Variants in PTPRT observed in about 807,000 individuals in gnomAD.
PTPRT encodes protein tyrosine phosphatase receptor type T.
Under a neutral mutation model 176.8 loss-of-function variants are expected in PTPRT, and 56 were observed. The ratio of observed to expected loss-of-function variants is 0.32; its 90% CI spans 0.26 to 0.40. PTPRT has a LOEUF of 0.40. PTPRT is among the 10% of genes least tolerant of loss of function. PTPRT has a pLI of 1.00. For synonymous variants in PTPRT, 783 were observed against 739.0 expected (o/e 1.06, Z -0.96); for missense variants, 1,540 against 1,908.2 (o/e 0.81, Z 3.60).
At chr20:42,801,471 T>C (rs2077530330) in intron 2 of PTPRT, among the ~76,000 whole-genome samples, 1 of 152,206 alleles carries the variant, frequency 6.6e-6, no homozygotes, top group Non-Finnish European at 1.5e-5. Context: ...AGTCTCCTTA[T>C]GAAATCCACC....
chr20:42,536,185 C>G (rs966135563), intron 7 of PTPRT, among the ~76,000 whole-genome samples: 3 of 152,136 alleles, frequency 2.0e-5, no homozygotes, highest in African/African-American at 7.2e-5. Flanking sequence ...TAAGCAACAG[C>G]TTCCCATGTG....
In PTPRT at chr20:43,054,171, T is replaced by C. The variant is rs543271032; in HGVS notation, c.88+135475A>G. ...TTTAGAAGCTTCACCTCCAATCTAC[T>C]TGAGAAACAAAATAGGGACTGGTAG... On this transcript the variant is annotated intron_variant, in intron 1 of 30. Transcript: ENST00000373187. Among the ~76,000 whole-genome samples the C allele has an allele frequency of 1.2e-3, 178 of 152,178 alleles. 1 individual carries two copies. The highest frequency in any genetic ancestry group is 4.1e-3 in the African/African-American group (170 of 41,492).
At chr20:42,219,605 A>G (rs1173856436) in intron 15 of PTPRT, among the ~76,000 whole-genome samples, 1 of 152,226 alleles carries the variant, frequency 6.6e-6, no homozygotes, top group Non-Finnish European at 1.5e-5. Context: ...AGAATAGCTA[A>G]TGCTTACTGA....
At chr20:42,484,191 C>T (rs1359898496) in intron 7 of PTPRT, among the ~76,000 whole-genome samples, 1 of 152,104 alleles carries the variant, frequency 6.6e-6, no homozygotes, top group Non-Finnish European at 1.5e-5. Flanking sequence ...TCACAGTGCC[C>T]TTGGTGTTTT....
At chr20:42,290,153 G>A (rs184090493) in intron 12 of PTPRT, among the ~76,000 whole-genome samples, 6 of 151,860 alleles carry the variant, frequency 4.0e-5, no homozygotes, top group Admixed American at 1.3e-4. Context: ...CTTTGTTCTC[G>A]GATTATATAA....
chr20:43,115,913 G>A (rs1193644537), intron 1 of PTPRT, among the ~76,000 whole-genome samples: 1 of 152,206 alleles, frequency 6.6e-6, no homozygotes, highest in African/African-American at 2.4e-5. Context: ...GCAAACTGCA[G>A]CAATTATCAC....
chr20:42,693,171 C>A (rs78563966), intron 6 of PTPRT, among the ~76,000 whole-genome samples: 14,024 of 152,198 alleles, frequency 0.092, 751 homozygotes, highest in South Asian at 0.16. Flanking sequence ...TACATGTATT[C>A]TTCTTCACTG....
At chr20:43,066,234 C>A (rs1347871450) in intron 1 of PTPRT, among the ~76,000 whole-genome samples, 1 of 152,180 alleles carries the variant, frequency 6.6e-6, no homozygotes, top group Non-Finnish European at 1.5e-5. Context: ...CAGATGGCTT[C>A]CTGCTCATGC....
intron 6 of PTPRT, chr20:42,685,766 A>AT (rs1235935733): frequency 2.0e-5 from 3 of 152,062 alleles, no homozygotes; most frequent in Non-Finnish European, 2.9e-5. Context: ...TTCTTATTTG[A>AT]TTTTTTTACA....
chr20:43,005,792 T>A (rs1371066076), intron 1 of PTPRT, among the ~76,000 whole-genome samples: 1 of 152,204 alleles, frequency 6.6e-6, no homozygotes, highest in East Asian at 1.9e-4. Flanking sequence ...TATACAATTT[T>A]AAAAGAAATA....
At chr20:42,520,965 T>TATCTATCCGTCC (rs1481234184) in intron 7 of PTPRT, among the ~76,000 whole-genome samples, 1 of 151,880 alleles carries the variant, frequency 6.6e-6, no homozygotes, top group Non-Finnish European at 1.5e-5. Flanking sequence ...CCCACCAACC[T>TATCTATCCGTCC]ACATACATAT....
At chr20:42,298,292 G>A (rs1168978882) in intron 12 of PTPRT, among the ~76,000 whole-genome samples, 2 of 152,174 alleles carry the variant, frequency 1.3e-5, no homozygotes, top group African/African-American at 2.4e-5. Flanking sequence ...AAGCTATATT[G>A]AGATATAATT....
At chr20:43,026,423 T>C (rs1274178685) in intron 1 of PTPRT, among the ~76,000 whole-genome samples, 1 of 152,190 alleles carries the variant, frequency 6.6e-6, no homozygotes, top group Non-Finnish European at 1.5e-5. Flanking sequence ...AGCCTAGAGA[T>C]AGAATTTTTC....
intron 1 of PTPRT, among the ~76,000 whole-genome samples, chr20:42,907,971 T>A (rs2079499281): frequency 6.6e-6 from 1 of 152,134 alleles, no homozygotes; most frequent in South Asian, 2.1e-4. Context: ...GAGAAGTTCC[T>A]GGGTACCCCA....
intron 9 of PTPRT, among the ~76,000 whole-genome samples, chr20:42,394,276 G>A (rs900096140): frequency 6.6e-6 from 1 of 152,110 alleles, no homozygotes; most frequent in Non-Finnish European, 1.5e-5. Flanking sequence ...TCCACCTCGA[G>A]AATAAATATT....
chr20:43,032,212 AAC>A (rs1986166346), intron 1 of PTPRT, among the ~76,000 whole-genome samples: 1 of 152,160 alleles, frequency 6.6e-6, no homozygotes, highest in African/African-American at 2.4e-5. Flanking sequence ...GACCTGCATC[AAC>A]ACAGAGTGAA....
chr20:42,329,705 A>C lies in PTPRT; in HGVS notation c.1866-13709T>G, dbSNP rs571497078. ...CATTATCAGGGAGGATCAACCTTACATAAAGCCTATTTTTTTTAATTTGGT... is the reference window on the plus strand; with the variant it reads ...CATTATCAGGGAGGATCAACCTTACCTAAAGCCTATTTTTTTTAATTTGGT... On this transcript the variant is annotated intron_variant, in intron 11 of 30. Coordinates refer to ENST00000373187, the MANE Select transcript of PTPRT (RefSeq NM_007050.6). 3.6e-4 allele frequency among the ~76,000 whole-genome samples: 55 copies of C among 152,334 alleles called. 1 individual carries two copies. Among genetic ancestry groups the C allele is most frequent in the African/African-American group, 1.3e-3 (53 of 41,574 alleles).
rs1428903276 is a variant in PTPRT at position 43,101,816 on chromosome 20, G to C, written c.88+87830C>G. On this transcript the variant is annotated intron_variant, in intron 1 of 30. Coordinates refer to ENST00000373187, the MANE Select transcript of PTPRT (RefSeq NM_007050.6). ...GAGTAGGGGCAATTCTCTGAAGAGG[G>C]CAAAAACAATCAAGGGTGTCAGCTG... 2.0e-5 allele frequency among the ~76,000 whole-genome samples: 3 copies of C among 152,144 alleles called. No individual in the cohort carries two copies. The East Asian group carries it at 5.8e-4, about 29-fold the overall frequency.
At chr20:42,502,492 G>A (rs118132827) in intron 7 of PTPRT, among the ~76,000 whole-genome samples, 1,555 of 151,018 alleles carry the variant, frequency 0.01, 13 homozygotes, top group Non-Finnish European at 0.016. Context: ...TATTTTGCAC[G>A]TTTCTGAAAT....
Sources: allele counts gnomAD v4.1 joint callset (sites outside exome capture counted in the v4.1 genomes callset), GRCh38; gene constraint gnomAD v4.1.1; transcripts MANE v1.5; gene names NCBI Gene and HGNC (gene_info 2026-07-23, HGNC 2026-07-21).